The following DSN1 variants were observed in gnomAD, a reference collection of about 807,000 sequenced individuals.
DSN1 encodes the protein kinetochore-associated protein DSN1 homolog.
Under a neutral mutation model 45.7 loss-of-function variants are expected in DSN1, and 31 were observed. The ratio of observed to expected loss-of-function variants is 0.68; its 90% CI spans 0.51 to 0.92. The LOEUF is 0.92. DSN1 is among the 40% of genes least tolerant of loss of function. The pLI, the probability that DSN1 is intolerant of heterozygous loss-of-function variation, is 0.00. For synonymous variants in DSN1, 134 were observed against 142.3 expected (o/e 0.94, Z 0.41); for missense variants, 394 against 414.2 (o/e 0.95, Z 0.42).
chr20:36,768,940 A>G (rs576622318), intron 3 of DSN1, among the ~76,000 whole-genome samples: 2 of 152,222 alleles, frequency 1.3e-5, no homozygotes, highest in South Asian at 4.1e-4. Context: ...AATAACTAAC[A>G]TTTGTTGAAC....
chr20:36,761,377 G>A (rs1332628203), intron 6 of DSN1, among the ~76,000 whole-genome samples: 2 of 152,048 alleles, frequency 1.3e-5, no homozygotes, highest in African/African-American at 4.8e-5. Context: ...TATAATGTAT[G>A]ACAAAAGAGA....
chr20:36,770,822 T>C, intron 3 of DSN1, 51 bp downstream of exon 3: 1 of 1,541,172 alleles, frequency 6.5e-7, no homozygotes, highest in Non-Finnish European at 8.7e-7. Context: ...AGCTGGAACC[T>C]GTCTCTTATC....
chr20:36,762,572 C>A, intron 5 of DSN1, 24 bp from the exon 6 acceptor site: 2 of 1,601,590 alleles, frequency 1.2e-6, no homozygotes, highest in South Asian at 2.2e-5. Flanking sequence ...ATTTACGTGT[C>A]ATAAAATAAA....
intron 8 of DSN1, among the ~76,000 whole-genome samples, chr20:36,757,558 G>A (rs749441389): frequency 1.2e-4 from 18 of 151,984 alleles, no homozygotes; most frequent in Non-Finnish European, 1.6e-4. Flanking sequence ...GCAACAGAGC[G>A]AGAGTCTGTC....
rs1440184316 is a variant in DSN1 at position 36,770,757 on chromosome 20, G to C, written c.355+116C>G. The C allele has an allele frequency of 5.2e-6, 6 of 1,155,794 alleles. No homozygotes were observed. The African/African-American group carries it at 9.3e-5, about 18-fold the overall frequency. The allele number at this position is 1,155,794 out of a possible 1,614,324, so 71.6% of individuals were successfully genotyped here. A position where few individuals can be genotyped will look rare whatever the true frequency, so the allele number is the denominator to read the frequency against. ...GTTTGACATCAGTACTTATAAAGTA[G>C]CAAGTCATGTCTATTCTCCCACACT... On this transcript the variant is annotated intron_variant, in intron 3 of 10. Transcript: ENST00000373750.
At chr20:36,772,383 G>C (rs1384641050) in intron 1 of DSN1, among the ~76,000 whole-genome samples, 2 of 150,322 alleles carry the variant, frequency 1.3e-5, no homozygotes, top group East Asian at 4.0e-4. Context: ...TCACCTCCCA[G>C]GTTCAAGCAA....
chr20:36,772,987 G>GT (rs1280278406), intron 1 of DSN1, among the ~76,000 whole-genome samples: 14 of 152,244 alleles, frequency 9.2e-5, no homozygotes, highest in Non-Finnish European at 1.6e-4. Context: ...AAATCTGTCT[G>GT]TGGGGGGTGC....
chr20:36,772,079 C>G (rs1987679344), intron 1 of DSN1, among the ~76,000 whole-genome samples: 1 of 151,918 alleles, frequency 6.6e-6, no homozygotes, highest in Non-Finnish European at 1.5e-5. Context: ...TGGGGTTTCC[C>G]CATGTTGGCC....
chr20:36,752,607 A>G lies in DSN1; in HGVS notation c.*181T>C, dbSNP rs138062724. 1.7e-3 allele frequency: 886 copies of G among 524,502 alleles called. 4 individuals carry two copies. The highest frequency in any genetic ancestry group is 0.013 in the African/African-American group (686 of 51,822). The allele number at this position is 524,502 out of a possible 1,614,324, so 32.5% of individuals were successfully genotyped here. A position where few individuals can be genotyped will look rare whatever the true frequency, so the allele number is the denominator to read the frequency against. On this transcript the variant is annotated 3_prime_UTR_variant, in exon 11 of 11. Transcript: ENST00000373750. ...TTGCACATTCCTGGGAAAATTGTCT[A>G]TACAATATTCATTTGGATGTACAAA...
At chr20:36,773,349 G>C in intron 1 of DSN1, 3 of 983,028 alleles carry the variant, frequency 3.1e-6, no homozygotes, top group African/African-American at 1.7e-5. Flanking sequence ...GCCAGCCTGG[G>C]GGCACAGGGG....
intron 4 of DSN1, among the ~76,000 whole-genome samples, chr20:36,767,711 G>A (rs1364434864): frequency 6.6e-6 from 1 of 152,164 alleles, no homozygotes; most frequent in Non-Finnish European, 1.5e-5. Context: ...AGACAATTCT[G>A]GCAGACATGG....
At chr20:36,758,309 G>C (rs1986784524) in intron 7 of DSN1, 148 bp from the exon 8 acceptor site, 2 of 815,428 alleles carry the variant, frequency 2.5e-6, no homozygotes, top group Non-Finnish European at 3.9e-6. Flanking sequence ...GACCAATTCA[G>C]AGAATATTTA....
Position 36,772,195 on chromosome 20 carries a change from T to C in DSN1, c.-15-722A>G, listed in dbSNP as rs573296014. Among the ~76,000 whole-genome samples the C allele has an allele frequency of 5.1e-4, 78 of 152,108 alleles. 1 individual carries two copies. The Middle Eastern group carries it at 0.01, about 20-fold the overall frequency. ...ACGCCCAGCCTCACTGTTACTAGTT[T>C]AGTTCAGGTCTCATAATTTCTGGTC... On this transcript the variant is annotated intron_variant, in intron 1 of 10. Coordinates refer to ENST00000373750, the MANE Select transcript of DSN1 (RefSeq NM_001145315.2).
rs1417263218 is a variant in DSN1, at chr20:36,771,537, AC to A, written c.-15-65del. 4 of 1,493,116 alleles carry A rather than the reference AC, an allele frequency of 2.7e-6. No individual in the cohort carries two copies. In the African/African-American group the frequency reaches 5.6e-5, roughly 21 times the overall value. 92.5% of individuals were successfully genotyped at this position (1,493,116 alleles called of 1,614,324 possible). Reference sequence around the variant, plus strand: ...TTCACTGCAGTCTCAATGGGGCTTTACAGCCCCAGAATAAATAGGCCGTGTG... The same window carrying A: ...TTCACTGCAGTCTCAATGGGGCTTTAAGCCCCAGAATAAATAGGCCGTGTG... On this transcript the variant is annotated intron_variant, in intron 1 of 10. Transcript: ENST00000373750.
At chr20:36,758,485 T>A (rs1986793419) in intron 7 of DSN1, 73 bp downstream of exon 7, 1 of 1,314,828 alleles carries the variant, frequency 7.6e-7, no homozygotes, top group Admixed American at 2.0e-5. Context: ...TGCTTACTAT[T>A]CATTTTTTCC....
intron 5 of DSN1, among the ~76,000 whole-genome samples, chr20:36,763,908 A>AAC (rs1555812864): frequency 6.7e-6 from 1 of 149,674 alleles, no homozygotes; most frequent in Non-Finnish European, 1.5e-5. Flanking sequence ...AAAAAAAAAA[A>AAC]AAAGAAAGAC....
At chr20:36,754,325 C>A (rs142768368) in intron 10 of DSN1, among the ~76,000 whole-genome samples, 1 of 151,568 alleles carries the variant, frequency 6.6e-6, no homozygotes, top group South Asian at 2.1e-4. Context: ...GATGACAAAG[C>A]GAGAGACTTT....
chr20:36,763,736 A>AATTAGCTGGGCGTGGTTGCGC (rs1038413976), intron 5 of DSN1, among the ~76,000 whole-genome samples: 1 of 151,648 alleles, frequency 6.6e-6, no homozygotes. Flanking sequence ...AAAATACAAA[A>AATTAGCTGGGCGTGGTTGCGC]ATTAGCTGGG....
intron 5 of DSN1, among the ~76,000 whole-genome samples, chr20:36,765,549 G>A (rs1390081559): frequency 2.0e-5 from 3 of 151,420 alleles, no homozygotes; most frequent in East Asian, 3.9e-4. Context: ...GGTGGCTCAC[G>A]CCTGTAATCC....
Sources: allele counts gnomAD v4.1 joint callset (sites outside exome capture counted in the v4.1 genomes callset), GRCh38; gene constraint gnomAD v4.1.1; transcripts MANE v1.5; gene names NCBI Gene and HGNC (gene_info 2026-07-23, HGNC 2026-07-21).